NDRG2: variants seen among roughly 807,000 people sequenced by gnomAD.
NDRG2 encodes protein NDRG2.
In NDRG2, 34 loss-of-function variants were observed where a neutral mutation model predicts 58.2. The ratio of observed to expected loss-of-function variants is 0.58; its 90% CI spans 0.44 to 0.78. The LOEUF (loss-of-function observed/expected upper bound fraction) is 0.78. Among genes scored for constraint, NDRG2 ranks in the 30% least tolerant of loss-of-function variants. NDRG2 has a pLI of 0.00. For synonymous variants in NDRG2, 187 were observed against 175.9 expected (o/e 1.06, Z -0.50); for missense variants, 434 against 471.2 (o/e 0.92, Z 0.73).
intron 1 of NDRG2, chr14:21,033,798 G>A (rs773211177): frequency 1.4e-6 from 2 of 1,468,442 alleles, no homozygotes; most frequent in Admixed American, 1.7e-5. Flanking sequence ...GGTGGTAGAG[G>A]TTGGGGAGTG....
chr14:21,030,964 T>C, intron 1 of NDRG2: 1 of 1,569,608 alleles, frequency 6.4e-7, no homozygotes, highest in Non-Finnish European at 8.6e-7. Flanking sequence ...CCTTGGAAGG[T>C]AATGCATTCA....
At chr14:21,043,265 G>T in intron 1 of NDRG2, 1 of 1,614,186 alleles carries the variant, frequency 6.2e-7, no homozygotes, top group South Asian at 1.1e-5. Flanking sequence ...TAGCCTGCAA[G>T]AATGGCGATA....
upstream of NDRG2, chr14:21,029,362 A>C (rs1222880048): frequency 6.6e-6 from 1 of 152,184 alleles, no homozygotes; most frequent in African/African-American, 2.4e-5. Context: ...GCACTTTGGG[A>C]GGCTGAGGCA....
At position 21,016,934 on chromosome 14, in the gene NDRG2, C is replaced by G; in HGVS notation, c.*662G>C. The stretch of plus-strand genomic sequence containing the variant: ...GCTTAGCTCCCTCCCCAGTCCCACT[C>G]TAGATGCACACTGAGCTACCAAAGT... On this transcript the variant is annotated 3_prime_UTR_variant, in exon 16 of 16. Transcript: ENST00000556147. 2.2e-6 allele frequency: 1 copy of G among 456,694 alleles called. No homozygotes were observed. The highest frequency in any genetic ancestry group is 4.4e-6 in the Non-Finnish European group (1 of 226,806). 28.3% of individuals were successfully genotyped at this position (456,694 alleles called of 1,614,324 possible). A position where few individuals can be genotyped will look rare whatever the true frequency, so the allele number is the denominator to read the frequency against.
In NDRG2 at chr14:21,032,003, G is replaced by A. The variant is rs756627454; in HGVS notation, c.25-8682C>T. 7 of 1,614,052 alleles carry A rather than the reference G, an allele frequency of 4.3e-6. No homozygotes were observed. The African/African-American group carries it at 8.0e-5, about 18-fold the overall frequency. On this transcript the variant is annotated intron_variant, in intron 1 of 14. Transcript: ENST00000403829. ...CAAGGGCAAGGGCATTGCGGGACGG[G>A]AAGAGATGACTGACAACACAGGCTA...
At chr14:21,039,341 G>C (rs77600612) in intron 1 of NDRG2, among the ~76,000 whole-genome samples, 85 of 152,358 alleles carry the variant, frequency 5.6e-4, no homozygotes, top group African/African-American at 1.9e-3. Flanking sequence ...TTCGACGATA[G>C]AATGAGAAGG....
chr14:21,023,485 G>A (rs1229697379), intron 1 of NDRG2, 164 bp from the exon 2 acceptor site: 3 of 619,326 alleles, frequency 4.8e-6, no homozygotes, highest in East Asian at 5.5e-5. Context: ...CCCCAGCTCC[G>A]TTTCCAGGCT....
At chr14:21,050,673 T>C (rs1885419977) in intron 1 of NDRG2, among the ~76,000 whole-genome samples, 1 of 152,254 alleles carries the variant, frequency 6.6e-6, no homozygotes, top group East Asian at 1.9e-4. Flanking sequence ...TAGCCGTGCA[T>C]ATGAGTGTTT....
intron 6 of NDRG2, chr14:21,021,497 A>T (rs1164406430): frequency 2.7e-6 from 1 of 375,962 alleles, no homozygotes; most frequent in Non-Finnish European, 5.0e-6. Context: ...AGACAGGTCT[A>T]TCTGGTTCCT....
chr14:21,020,499 G>C lies in NDRG2; in HGVS notation c.552C>G (p.His184Gln). 6.2e-7 allele frequency: 1 copy of C among 1,613,172 alleles called. No individual in the cohort carries two copies. Among genetic ancestry groups the C allele is most frequent in the Non-Finnish European group, 8.5e-7 (1 of 1,179,622 alleles). ...CAGCACACAGGCCCCTCCAAACCTT[G>C]TGGGCTGCCCAATCCATCCAACCCT... ...NAKGWMDWAA[H>Q]KLTGLTSSIP... Residue 184 changes from histidine to glutamine, a missense_variant, in exon 8 of 16, where the codon CAC (histidine) becomes CAG (glutamine). Coordinates refer to ENST00000556147, the MANE Select transcript of NDRG2 (RefSeq NM_001320329.2).
At chr14:21,031,296 A>G in intron 1 of NDRG2, 2 of 1,239,158 alleles carry the variant, frequency 1.6e-6, no homozygotes. Flanking sequence ...TCATCTAGAC[A>G]TTCCAGAAGT....
At chr14:21,066,782 C>A (rs1381577056) in intron 1 of NDRG2, among the ~76,000 whole-genome samples, 1 of 152,078 alleles carries the variant, frequency 6.6e-6, no homozygotes. Flanking sequence ...ACACTTAGTT[C>A]GGAGAAGACA....
chr14:21,059,482 T>C (rs982433784), intron 1 of NDRG2, among the ~76,000 whole-genome samples: 3 of 89,072 alleles, frequency 3.4e-5, no homozygotes, highest in African/African-American at 9.2e-5. Flanking sequence ...TGGGTTTTTT[T>C]GGGTTTTTTT....
intron 1 of NDRG2, chr14:21,058,308 G>A (rs915106555): frequency 2.6e-5 from 42 of 1,613,652 alleles, no homozygotes; most frequent in Non-Finnish European, 3.6e-5. Context: ...CCACAACAGG[G>A]TGACCCAGGG....
Position 21,019,912 on chromosome 14 carries a change from C to T in NDRG2, c.612+8G>A. 6.2e-7 allele frequency: 1 copy of T among 1,614,004 alleles called. No homozygotes were observed. ...GTCGACTCTTCTACATCTCCTACACCCACTTACCTGGCTGAAAAGATGTCC... is the reference window on the plus strand; with the variant it reads ...GTCGACTCTTCTACATCTCCTACACTCACTTACCTGGCTGAAAAGATGTCC... On this transcript the variant is annotated splice_region_variant and intron_variant, in intron 9 of 15. Coordinates refer to ENST00000556147, the MANE Select transcript of NDRG2 (RefSeq NM_001320329.2).
intron 10 of NDRG2, 56 bp from the exon 11 acceptor site, chr14:21,019,216 T>A: frequency 6.9e-7 from 1 of 1,438,882 alleles, no homozygotes. Context: ...TCTAACCAGA[T>A]ATAAGCTATC....
In NDRG2 at chr14:21,023,228, G is replaced by A. The variant is rs771224741; in HGVS notation, c.75+13C>T. ...TGGAATTTGGGCATGGGAGTCAAACGGTCTCTAATAACCTTGGCCGCCTCA... is the reference window on the plus strand; with the variant it reads ...TGGAATTTGGGCATGGGAGTCAAACAGTCTCTAATAACCTTGGCCGCCTCA... On this transcript the variant is annotated intron_variant, in intron 2 of 15. Transcript: ENST00000556147. 1.1e-5 allele frequency: 17 copies of A among 1,612,392 alleles called. No homozygotes were observed. The highest frequency in any genetic ancestry group is 8.3e-5 in the Admixed American group (5 of 59,936).
At chr14:21,018,721 C>G (rs751140385) in intron 12 of NDRG2, 42 bp downstream of exon 12, 5 of 1,612,894 alleles carry the variant, frequency 3.1e-6, no homozygotes, top group South Asian at 2.2e-5. Flanking sequence ...ACTTTAGGAC[C>G]CCAACCCTCC....
At chr14:21,060,091 C>A (rs1047804158) in intron 1 of NDRG2, among the ~76,000 whole-genome samples, 2 of 152,188 alleles carry the variant, frequency 1.3e-5, no homozygotes, top group African/African-American at 2.4e-5. Context: ...ATCTCTGCCT[C>A]CTTATTACAC....
Sources: allele counts gnomAD v4.1 joint callset (sites outside exome capture counted in the v4.1 genomes callset), GRCh38; gene constraint gnomAD v4.1.1; transcripts MANE v1.5; gene names NCBI Gene and HGNC (gene_info 2026-07-23, HGNC 2026-07-21).